The following CROT variants were observed in gnomAD, a reference collection of about 807,000 sequenced individuals.
CROT encodes carnitine O-octanoyltransferase, also known as peroxisomal carnitine O-octanoyltransferase.
Under a neutral mutation model 89.2 loss-of-function variants are expected in CROT, and 84 were observed. That is an observed-to-expected ratio of 0.94 (90% CI 0.79 to 1.13). The LOEUF (loss-of-function observed/expected upper bound fraction) is 1.13. Ranked by LOEUF, CROT falls within the 50% of genes most tolerant of loss-of-function variation. The probability of loss-of-function intolerance (pLI) is 0.00; values close to 1 mark genes in which losing one functional copy is unlikely to be tolerated. For synonymous variants in CROT, 212 were observed against 239.5 expected (o/e 0.89, Z 1.06); for missense variants, 711 against 727.8 (o/e 0.98, Z 0.27).
chr7:87,366,280 G>A (rs977240895), intron 6 of CROT, among the ~76,000 whole-genome samples: 1 of 151,974 alleles, frequency 6.6e-6, no homozygotes, highest in East Asian at 1.9e-4. Flanking sequence ...AGGGCCTGTG[G>A]GAGGTGTTGG....
chr7:87,361,313 T>C, intron 4 of CROT, 77 bp from the exon 5 acceptor site: 1 of 1,352,106 alleles, frequency 7.4e-7, no homozygotes, highest in East Asian at 2.3e-5. Context: ...AAATATAGCT[T>C]GCTTTTTAAA....
intron 17 of CROT, among the ~76,000 whole-genome samples, chr7:87,396,295 G>A (rs1386042845): frequency 3.9e-5 from 6 of 152,062 alleles, no homozygotes; most frequent in African/African-American, 1.4e-4. Flanking sequence ...CGCACTAATA[G>A]TCACCACACC....
chr7:87,349,275 C>A (rs997362808), intron 3 of CROT, 92 bp downstream of exon 3: 4 of 564,288 alleles, frequency 7.1e-6, no homozygotes, highest in South Asian at 7.7e-5. Flanking sequence ...GATCCAGACT[C>A]TAAGAGAGAG....
chr7:87,398,848 C>G lies in CROT; in HGVS notation c.*204C>G. 1 of 558,158 alleles carries G rather than the reference C, an allele frequency of 1.8e-6. No individual in the cohort carries two copies. Among genetic ancestry groups the G allele is most frequent in the Non-Finnish European group, 3.1e-6 (1 of 317,704 alleles). 34.6% of individuals were successfully genotyped at this position (558,158 alleles called of 1,614,324 possible). On this transcript the variant is annotated 3_prime_UTR_variant, in exon 18 of 18. Coordinates refer to ENST00000331536, the MANE Select transcript of CROT (RefSeq NM_021151.4). ...AAGGTAGAAATATTTTTAAGCTCCT[C>G]TGATGCAGCAGCAATGCAAATTATG...
rs1806844613 is a variant in CROT, at chr7:87,377,392, G to A, written c.920G>A (p.Gly307Asp). 2 of 1,611,870 alleles carry A rather than the reference G, an allele frequency of 1.2e-6. No homozygotes were observed. The highest frequency in any genetic ancestry group is 1.7e-5 in the Admixed American group (1 of 59,946). The change falls in exon 10 of 18, where the codon GGT becomes GAT. Residue 307 changes from glycine to aspartate, a missense_variant. By Grantham distance (94) the Gly-to-Asp change is moderately conservative. Transcript: ENST00000331536. ...ILIGDPTVRW[G>D]DKSYNLISFS... ...ATTGGAGATCCAACAGTACGCTGGG[G>A]TGACAAATCCTATAACTTGATTTCC... is the stretch of plus-strand genomic sequence containing the variant.
Position 87,375,916 on chromosome 7 carries a change from A to T in CROT, c.839A>T (p.Asp280Val). 1 of 1,613,044 alleles carries T rather than the reference A, an allele frequency of 6.2e-7. No individual in the cohort carries two copies. Among genetic ancestry groups the T allele is most frequent in the Admixed American group, 1.7e-5 (1 of 59,932 alleles). Residue 280 changes from aspartate (D) to valine (V), a missense_variant, in exon 9 of 18, where the codon GAT (aspartate) becomes GTT (valine). Asp to Val is a radical substitution (Grantham distance 152, BLOSUM62 -3). Coordinates refer to ENST00000331536, the MANE Select transcript of CROT (RefSeq NM_021151.4). Reference protein sequence around the residue: ...QSSLLVYSMEDSSPHVTPEDY... With the variant: ...QSSLLVYSMEVSSPHVTPEDY... ...AGTTTACTGGTATATTCCATGGAGG[A>T]TAGCAGTCCACATGTAACACCAGAG...
At chr7:87,382,709 G>A (rs1195457006) in intron 13 of CROT, among the ~76,000 whole-genome samples, 166 bp downstream of exon 13, 2 of 152,078 alleles carry the variant, frequency 1.3e-5, no homozygotes, top group African/African-American at 4.8e-5. Flanking sequence ...TCTGATCTGT[G>A]GTGGTTTCAC....
intron 4 of CROT, 83 bp downstream of exon 4, chr7:87,359,413 C>T: frequency 6.7e-7 from 1 of 1,491,750 alleles, no homozygotes; most frequent in Non-Finnish European, 8.9e-7. Flanking sequence ...TAAATTATTG[C>T]TGTAAAAATT....
At chr7:87,353,805 G>C (rs892953348) in intron 3 of CROT, among the ~76,000 whole-genome samples, 3 of 152,196 alleles carry the variant, frequency 2.0e-5, no homozygotes, top group Non-Finnish European at 4.4e-5. Flanking sequence ...CAAGGGGACA[G>C]CCCAAGCCAT....
chr7:87,395,956 T>A (rs1343062181), intron 17 of CROT, among the ~76,000 whole-genome samples: 1 of 152,204 alleles, frequency 6.6e-6, no homozygotes, highest in Non-Finnish European at 1.5e-5. Flanking sequence ...CCATTGAAGA[T>A]GCCATTGTTG....
chr7:87,369,073 C>A (rs533620039), intron 6 of CROT, among the ~76,000 whole-genome samples: 1 of 152,282 alleles, frequency 6.6e-6, no homozygotes, highest in African/African-American at 2.4e-5. Context: ...TTCTCCCCTT[C>A]CCATTTCTGT....
At chr7:87,394,280 A>G (rs756767723) in intron 17 of CROT, among the ~76,000 whole-genome samples, 20 of 152,210 alleles carry the variant, frequency 1.3e-4, no homozygotes, top group Non-Finnish European at 1.3e-4. Flanking sequence ...TCTCTGCAGA[A>G]GCAGTTTGTC....
intron 7 of CROT, 150 bp from the exon 8 acceptor site, chr7:87,375,482 T>G: frequency 1.8e-6 from 1 of 568,368 alleles, no homozygotes; most frequent in East Asian, 2.8e-5. Context: ...AAAAAATATG[T>G]GATGTAGGAA....
chr7:87,364,079 A>G (rs528775603), intron 6 of CROT, among the ~76,000 whole-genome samples: 1 of 152,280 alleles, frequency 6.6e-6, no homozygotes, highest in African/African-American at 2.4e-5. Context: ...TGGTCTTTAA[A>G]CCGTCTTGAA....
At chr7:87,354,515 A>G (rs907564248) in intron 3 of CROT, 1 of 432,016 alleles carries the variant, frequency 2.3e-6, no homozygotes, top group Non-Finnish European at 4.7e-6. Context: ...TTTAAAAGCC[A>G]AAAGTACAGA....
chr7:87,379,264 A>G (rs866686419), intron 10 of CROT, among the ~76,000 whole-genome samples: 2 of 152,106 alleles, frequency 1.3e-5, no homozygotes, highest in African/African-American at 4.8e-5. Context: ...AACTGACCTT[A>G]ATATTCATCA....
Position 87,359,310 on chromosome 7 carries a change from G to A in CROT, c.220G>A (p.Ala74Thr). The A allele has an allele frequency of 2.5e-6, 4 of 1,599,862 alleles. No individual in the cohort carries two copies. Among genetic ancestry groups the A allele is most frequent in the African/African-American group, 1.3e-5 (1 of 74,588 alleles). Residue 74 changes from alanine to threonine, a missense_variant, in exon 4 of 18, where the codon GCA (alanine) becomes ACA (threonine). Ala to Thr is a moderately conservative substitution (Grantham distance 58). Transcript: ENST00000331536. ...EKLHQKLLER[A>T]KGKRNWLEEW... ...ATTGCACCAGAAATTGCTTGAAAGA[G>A]CAAAAGGAAAAAGAAATTGGGTATT...
intron 6 of CROT, among the ~76,000 whole-genome samples, chr7:87,365,822 T>C (rs1444820388): frequency 1.3e-5 from 2 of 151,986 alleles, no homozygotes; most frequent in African/African-American, 2.4e-5. Flanking sequence ...CCCAGGCTGG[T>C]CTCGAACTCC....
intron 3 of CROT, among the ~76,000 whole-genome samples, chr7:87,351,268 C>T (rs1805858590): frequency 7.2e-6 from 1 of 139,768 alleles, no homozygotes; most frequent in African/African-American, 2.7e-5. Flanking sequence ...ACGATTGTGC[C>T]ATTGCATTCC....
Sources: allele counts gnomAD v4.1 joint callset (sites outside exome capture counted in the v4.1 genomes callset), GRCh38; gene constraint gnomAD v4.1.1; transcripts MANE v1.5; gene names NCBI Gene and HGNC (gene_info 2026-07-23, HGNC 2026-07-21).